The following GTF3C4 variants were observed in gnomAD, a reference collection of about 807,000 sequenced individuals.
GTF3C4 encodes general transcription factor IIIC subunit 4, also known as general transcription factor 3C polypeptide 4.
In GTF3C4, 28 loss-of-function variants were observed where a neutral mutation model predicts 67.5. That is an observed-to-expected ratio of 0.41 (90% CI 0.31 to 0.57). The LOEUF (loss-of-function observed/expected upper bound fraction) is 0.57, where lower values mean the gene tolerates loss of function less well. Among genes scored for constraint, GTF3C4 ranks in the 20% least tolerant of loss-of-function variants. GTF3C4 has a pLI of 0.21. For missense variants in GTF3C4, 831 were observed against 1,033.2 expected (o/e 0.80, Z 2.68); for synonymous variants, 409 against 393.0 (o/e 1.04, Z -0.48).
At chr9:132,677,537 A>G (rs1835879849) in intron 1 of GTF3C4, among the ~76,000 whole-genome samples, 1 of 152,194 alleles carries the variant, frequency 6.6e-6, no homozygotes, top group Non-Finnish European at 1.5e-5. Flanking sequence ...TAGGCAAGGG[A>G]GCCGGGGAAA....
At chr9:132,688,243 G>C (rs894745443) in intron 4 of GTF3C4, among the ~76,000 whole-genome samples, 1 of 152,166 alleles carries the variant, frequency 6.6e-6, no homozygotes, top group African/African-American at 2.4e-5. Flanking sequence ...CCCTCCTCCT[G>C]ATGGATTATT....
At chr9:132,675,554 C>CA (rs1038750869) in intron 1 of GTF3C4, among the ~76,000 whole-genome samples, 3 of 151,662 alleles carry the variant, frequency 2.0e-5, no homozygotes, top group Non-Finnish European at 4.4e-5. Flanking sequence ...CCCTCACCTC[C>CA]AAAAAAAAGG....
In GTF3C4 at chr9:132,670,540, G is replaced by T. The variant is rs1463334042; in HGVS notation, c.-59G>T. 6 of 1,271,446 alleles carry T rather than the reference G, an allele frequency of 4.7e-6. No individual in the cohort carries two copies. In the East Asian group the frequency reaches 1.7e-4, roughly 36 times the overall value. The allele number at this position is 1,271,446 out of a possible 1,614,324, so 78.8% of individuals were successfully genotyped here. A position where few individuals can be genotyped will look rare whatever the true frequency, so the allele number is the denominator to read the frequency against. On this transcript the variant is annotated 5_prime_UTR_variant, in exon 1 of 5. Transcript: ENST00000372146. ...GCTGGGGGTGGCGGCGGCGGTCCGG[G>T]AGGTGGTCGCGCGACTGCGTGGAGC...
chr9:132,690,064 C>G lies in GTF3C4; in HGVS notation c.*1119C>G, dbSNP rs1193789692. The G allele has an allele frequency of 6.6e-6, 1 of 152,266 alleles. No homozygotes were observed. The highest frequency in any genetic ancestry group is 1.5e-5 in the Non-Finnish European group (1 of 68,120). The allele number at this position is 152,266 out of a possible 1,614,324, so 9.4% of individuals were successfully genotyped here. On this transcript the variant is annotated 3_prime_UTR_variant, in exon 5 of 5. Coordinates refer to ENST00000372146, the MANE Select transcript of GTF3C4 (RefSeq NM_012204.4). ...GGGCTTGGTGGCTCATGCCTGTACTCTCAACACTTTGGGAAGCAAAGGCAG... is the reference window on the plus strand; with the variant it reads ...GGGCTTGGTGGCTCATGCCTGTACTGTCAACACTTTGGGAAGCAAAGGCAG...
rs1429482748 is a variant in GTF3C4, at chr9:132,670,550, C to T, written c.-49C>T. The T allele has an allele frequency of 7.6e-7, 1 of 1,319,102 alleles. No homozygotes were observed. The allele number at this position is 1,319,102 out of a possible 1,614,324, so 81.7% of individuals were successfully genotyped here. ...GCGGCGGCGGTCCGGGAGGTGGTCG[C>T]GCGACTGCGTGGAGCGCCAGGGCGT... On this transcript the variant is annotated 5_prime_UTR_variant, in exon 1 of 5. Coordinates refer to ENST00000372146, the MANE Select transcript of GTF3C4 (RefSeq NM_012204.4).
chr9:132,678,717 G>A lies in GTF3C4; in HGVS notation c.1098G>A (p.Met366Ile). Residue 366 changes from methionine to isoleucine, a missense_variant, in exon 2 of 5, where the codon ATG becomes ATA. This residue lies in a region of GTF3C4 where 390 missense variants were observed against 540.3 expected (regional missense o/e 0.72). Transcript: ENST00000372146. This position sits in a 1 kb window ranked among gnomAD's most constrained non-coding sequence, Gnocchi z 6.5. ...LRQPVILWKE[M>I]DQLPVHSIKC... Reference sequence around the variant, plus strand: ...AGCCTGTTATCTTGTGGAAAGAAATGGACCAGTTACCTGTGCACAGTATCA... The same window carrying A: ...AGCCTGTTATCTTGTGGAAAGAAATAGACCAGTTACCTGTGCACAGTATCA... 1 of 1,614,066 alleles carries A rather than the reference G, an allele frequency of 6.2e-7. No individual in the cohort carries two copies. The highest frequency in any genetic ancestry group is 8.5e-7 in the Non-Finnish European group (1 of 1,179,964).
intron 2 of GTF3C4, among the ~76,000 whole-genome samples, chr9:132,682,815 C>T (rs539728381): frequency 1.9e-4 from 29 of 152,010 alleles, no homozygotes; most frequent in Middle Eastern, 3.4e-3. Context: ...ATGTTGGCCA[C>T]CTGGTCTCGA....
In GTF3C4 at chr9:132,683,667, C is replaced by G; in HGVS notation, c.2289C>G (p.Val763=). ...CATTCACAGATCGCAAACAGGCAGT[C>G]TGTTCCAATGGCCACATTTGGCTCC... The part of the protein sequence containing the change: ...ILPFTDRKQA[V]CSNGHIWLRC... Residue 763 remains valine, a synonymous_variant, in exon 3 of 5, where the codon GTC becomes GTG. Coordinates refer to ENST00000372146, the MANE Select transcript of GTF3C4 (RefSeq NM_012204.4). The G allele has an allele frequency of 2.5e-6, 4 of 1,612,320 alleles. No homozygotes were observed. The highest frequency in any genetic ancestry group is 3.4e-6 in the Non-Finnish European group (4 of 1,179,638).
Position 132,670,892 on chromosome 9 carries a change from G to A in GTF3C4, c.294G>A (p.Pro98=). The change falls in exon 1 of 5, where the codon CCG becomes CCA. Residue 98 remains proline (P), a synonymous_variant. Transcript: ENST00000372146. ...VLELICDVHN[P]GQDLVIHRTS... Reference sequence around the variant, plus strand: ...AGCTCATCTGCGACGTGCACAACCCGGGCCAGGACCTGGTTATCCACCGCA... The same window carrying A: ...AGCTCATCTGCGACGTGCACAACCCAGGCCAGGACCTGGTTATCCACCGCA... 1 of 1,612,552 alleles carries A rather than the reference G, an allele frequency of 6.2e-7. No homozygotes were observed. Among genetic ancestry groups the A allele is most frequent in the Non-Finnish European group, 8.5e-7 (1 of 1,179,948 alleles).
intron 2 of GTF3C4, among the ~76,000 whole-genome samples, chr9:132,681,359 T>A (rs1224329272): frequency 6.6e-6 from 1 of 152,162 alleles, no homozygotes; most frequent in Non-Finnish European, 1.5e-5. Flanking sequence ...ACCAGAAGAT[T>A]GCACACCCGT....
intron 2 of GTF3C4, among the ~76,000 whole-genome samples, chr9:132,682,955 T>G (rs946882199): frequency 5.9e-5 from 9 of 152,178 alleles, no homozygotes; most frequent in Non-Finnish European, 1.3e-4. Context: ...AAGAAAGGCC[T>G]AGAGCCTGTG....
chr9:132,688,232 T>A (rs1836060112), intron 4 of GTF3C4, among the ~76,000 whole-genome samples: 1 of 152,176 alleles, frequency 6.6e-6, no homozygotes. Flanking sequence ...CTCACCCACC[T>A]CCCTCCTCCT....
intron 1 of GTF3C4, among the ~76,000 whole-genome samples, chr9:132,676,400 C>A (rs994797219): frequency 4.0e-5 from 6 of 150,854 alleles, no homozygotes; most frequent in African/African-American, 1.2e-4. Flanking sequence ...CTCACTTCAA[C>A]CTCTGCCTCC....
At chr9:132,670,380 C>T (rs1374402785), upstream of GTF3C4, 3 of 1,211,242 alleles carry the variant, frequency 2.5e-6, no homozygotes, top group Admixed American at 3.6e-5. Context: ...GTCCTCGGGG[C>T]TCCCCGCTCG....
In GTF3C4 at chr9:132,678,384, C is replaced by T. The variant is rs772706118; in HGVS notation, c.765C>T (p.Gly255=). 6.2e-7 allele frequency: 1 copy of T among 1,614,176 alleles called. No homozygotes were observed. Among genetic ancestry groups the T allele is most frequent in the Non-Finnish European group, 8.5e-7 (1 of 1,180,042 alleles). Residue 255 remains glycine (G), a synonymous_variant, in exon 2 of 5, where the codon GGC becomes GGT. Coordinates refer to ENST00000372146, the MANE Select transcript of GTF3C4 (RefSeq NM_012204.4). The surrounding 1 kb of genome is among the most constrained non-coding windows in gnomAD (Gnocchi z 6.5). ...MQTPVRMEWS[G]ICTTQQVKHN... ...CCCCAGTCAGAATGGAGTGGTCGGG[C>T]ATCTGTACCACCCAGCAGGTCAAGC... is the stretch of plus-strand genomic sequence containing the variant.
At chr9:132,680,865 C>T (rs1357557687) in intron 2 of GTF3C4, among the ~76,000 whole-genome samples, 1 of 152,174 alleles carries the variant, frequency 6.6e-6, no homozygotes, top group Non-Finnish European at 1.5e-5. Context: ...AATCCTAGTA[C>T]TTTGGGAGGC....
At chr9:132,673,590 T>TC (rs1248382759) in intron 1 of GTF3C4, among the ~76,000 whole-genome samples, 2 of 152,184 alleles carry the variant, frequency 1.3e-5, no homozygotes, top group African/African-American at 4.8e-5. Flanking sequence ...CTTTGATGAC[T>TC]CCACCCATTG....
intron 3 of GTF3C4, among the ~76,000 whole-genome samples, chr9:132,685,181 A>AT (rs578135853): frequency 2.0e-3 from 290 of 146,318 alleles, no homozygotes; most frequent in South Asian, 0.01. Flanking sequence ...CACCCGGCTA[A>AT]TTTTTTTTTT....
intron 2 of GTF3C4, among the ~76,000 whole-genome samples, chr9:132,680,613 C>A (rs1271089532): frequency 6.6e-6 from 1 of 152,198 alleles, no homozygotes; most frequent in Non-Finnish European, 1.5e-5. Context: ...TGACTAAAGT[C>A]TTATTTAAAG....
Sources: gnomAD v4.1 joint callset for allele counts (sites outside exome capture counted in the v4.1 genomes callset) on GRCh38, gnomAD v4.1.1 for gene constraint, gnomAD v4.1.1 regional missense constraint, Gnocchi (gnomAD v3.1) non-coding constraint, MANE v1.5 for transcripts, NCBI Gene and HGNC (gene_info 2026-07-23, HGNC 2026-07-21) for gene names.